Variants in VRK3 observed in about 807,000 individuals in gnomAD.
The protein encoded by VRK3 is VRK serine/threonine kinase 3.
Under a neutral mutation model 60.4 loss-of-function variants are expected in VRK3, and 50 were observed. That is an observed-to-expected ratio of 0.83 (90% CI 0.66 to 1.05). The LOEUF is 1.05. VRK3 is among the 50% of genes least tolerant of loss of function. The pLI is 0.00. For missense variants in VRK3, 549 were observed against 585.3 expected, an observed-to-expected ratio of 0.94 and a Z score of 0.64; for synonymous variants, 246 against 227.8, an observed-to-expected ratio of 1.08 and a Z score of -0.72.
chr19:50,017,293 G>A (rs2077094090), intron 2 of VRK3, among the ~76,000 whole-genome samples: 1 of 149,978 alleles, frequency 6.7e-6, no homozygotes, highest in Non-Finnish European at 1.5e-5. Context: ...TGAAACTATT[G>A]GCCGGGCACG....
chr19:49,978,417 C>T (rs1273928614), intron 14 of VRK3, among the ~76,000 whole-genome samples: 2 of 152,230 alleles, frequency 1.3e-5, no homozygotes, highest in African/African-American at 2.4e-5. Context: ...AATTCCTGCA[C>T]GTTTACACAA....
At chr19:50,015,257 C>CT (rs139325942) in intron 3 of VRK3, among the ~76,000 whole-genome samples, 8 of 152,206 alleles carry the variant, frequency 5.3e-5, no homozygotes, top group African/African-American at 1.7e-4. Context: ...AAATCTGAAA[C>CT]TTTGAGTGTC....
rs768424867 is a variant in VRK3, at chr19:50,025,353, G to C, written c.-151C>G. 2.0e-5 allele frequency: 3 copies of C among 152,238 alleles called. No individual in the cohort carries two copies. The highest frequency in any genetic ancestry group is 4.4e-5 in the Non-Finnish European group (3 of 68,094). 9.4% of individuals were successfully genotyped at this position (152,238 alleles called of 1,614,324 possible). A position where few individuals can be genotyped will look rare whatever the true frequency, so the allele number is the denominator to read the frequency against. ...GCAGTTACCCGGACTCACCTTCTCA[G>C]TTGCCCAGCGAAAACTTCCGCTGGG... On this transcript the variant is annotated 5_prime_UTR_variant, in exon 1 of 15. Coordinates refer to ENST00000316763, the MANE Select transcript of VRK3 (RefSeq NM_016440.4).
At chr19:49,987,591 G>T (rs1386977757) in intron 12 of VRK3, 3 of 152,392 alleles carry the variant, frequency 2.0e-5, no homozygotes, top group African/African-American at 7.2e-5. Context: ...TGGCAGTGTG[G>T]ACACTGCATA....
intron 3 of VRK3, among the ~76,000 whole-genome samples, chr19:50,012,973 C>A (rs556240215): frequency 6.6e-6 from 1 of 152,156 alleles, no homozygotes; most frequent in Admixed American, 6.6e-5. Flanking sequence ...CGAGACCATC[C>A]TGGCTAACAC....
At chr19:50,016,316 G>A (rs1048029349) in intron 2 of VRK3, among the ~76,000 whole-genome samples, 153 bp from the exon 3 acceptor site, 60 of 152,300 alleles carry the variant, frequency 3.9e-4, no homozygotes, top group African/African-American at 1.4e-3. Context: ...AACATGCAAT[G>A]GGAATGGGAG....
intron 2 of VRK3, among the ~76,000 whole-genome samples, chr19:50,016,483 T>A (rs1245654301): frequency 2.6e-5 from 4 of 152,054 alleles, no homozygotes; most frequent in Non-Finnish European, 5.9e-5. Flanking sequence ...CTCCTCTGCC[T>A]CCCCCTCCAC....
chr19:49,985,041 C>G (rs1270104817), intron 12 of VRK3, among the ~76,000 whole-genome samples: 1 of 152,194 alleles, frequency 6.6e-6, no homozygotes, highest in Non-Finnish European at 1.5e-5. Flanking sequence ...TGCCTTGGGA[C>G]TGTTAGTGAG....
rs551339515 is a variant in VRK3, at chr19:50,006,331, T to A, written c.547+1238A>T. On this transcript the variant is annotated intron_variant, in intron 5 of 14. Coordinates refer to ENST00000316763, the MANE Select transcript of VRK3 (RefSeq NM_016440.4). ...TCTCAAAAAAATAAAAAATAATAAATAATAATAATAAAAGAATAACTTTTT... is the reference window on the plus strand; with the variant it reads ...TCTCAAAAAAATAAAAAATAATAAAAAATAATAATAAAAGAATAACTTTTT... Among the ~76,000 whole-genome samples, 277 of 150,926 alleles carry A rather than the reference T, an allele frequency of 1.8e-3. 2 individuals carry two copies. The highest frequency in any genetic ancestry group is 6.5e-3 in the African/African-American group (268 of 41,104).
At chr19:50,000,441 G>A (rs939905603) in intron 6 of VRK3, 1 of 342,584 alleles carries the variant, frequency 2.9e-6, no homozygotes, top group African/African-American at 2.2e-5. Context: ...TGCTCGATAC[G>A]AGCACGCTGC....
Position 50,019,572 on chromosome 19 carries a change from T to G in VRK3, c.-2+1013A>C, listed in dbSNP as rs775470859. Among the ~76,000 whole-genome samples, 7 of 150,272 alleles carry G rather than the reference T, an allele frequency of 4.7e-5. No homozygotes were observed. The East Asian group carries it at 1.4e-3, about 30-fold the overall frequency. On this transcript the variant is annotated intron_variant, in intron 2 of 14. Transcript: ENST00000316763. ...TCACTCAGGCTGGAGTGCAATGGCA[T>G]GATCATGGCTCACTGCGGCCTCGAG...
chr19:50,000,696 A>G (rs2076788837), intron 6 of VRK3, 94 bp downstream of exon 6: 1 of 1,449,172 alleles, frequency 6.9e-7, no homozygotes, highest in Non-Finnish European at 9.5e-7. Context: ...CCCCCGGCCG[A>G]GCTCTCCCAG....
intron 13 of VRK3, 123 bp downstream of exon 13, chr19:49,980,832 T>C (rs2076409813): frequency 2.4e-6 from 2 of 837,310 alleles, no homozygotes; most frequent in Non-Finnish European, 3.7e-6. Context: ...GGGTACGTAT[T>C]ACAAATGCAA....
At chr19:49,990,795 T>A (rs2076597633) in intron 10 of VRK3, among the ~76,000 whole-genome samples, 2 of 150,660 alleles carry the variant, frequency 1.3e-5, no homozygotes, top group African/African-American at 2.5e-5. Context: ...TTTTTTTTTT[T>A]AAGTTTTGAG....
At chr19:50,005,261 C>T (rs986860944) in intron 5 of VRK3, among the ~76,000 whole-genome samples, 7 of 149,172 alleles carry the variant, frequency 4.7e-5, no homozygotes, top group African/African-American at 1.0e-4. Context: ...GACTCAGATT[C>T]GGGGCTGTCT....
At chr19:49,991,459 A>C (rs555546493) in intron 10 of VRK3, among the ~76,000 whole-genome samples, 169 of 152,166 alleles carry the variant, frequency 1.1e-3, no homozygotes, top group African/African-American at 3.9e-3. Context: ...TGCAAACTGA[A>C]GAATCTCAGG....
At position 49,976,767 on chromosome 19, in the gene VRK3, C is replaced by T. The variant is rs917990472; in HGVS notation, c.*29G>A. ...ACTTCATTTTTTTTTTTCTGTTGCA[C>T]ACTGCAAATGGAAAGTTCTGGAAGA... is the stretch of plus-strand genomic sequence containing the variant. On this transcript the variant is annotated 3_prime_UTR_variant, in exon 15 of 15. Coordinates refer to ENST00000316763, the MANE Select transcript of VRK3 (RefSeq NM_016440.4). The T allele has an allele frequency of 3.9e-5, 6 of 151,972 alleles. No individual in the cohort carries two copies. Among genetic ancestry groups the T allele is most frequent in the African/African-American group, 1.2e-4 (5 of 41,282 alleles). 9.4% of individuals were successfully genotyped at this position (151,972 alleles called of 1,614,324 possible). A position where few individuals can be genotyped will look rare whatever the true frequency, so the allele number is the denominator to read the frequency against.
chr19:49,982,166 A>G lies in VRK3; in HGVS notation c.1218-1153T>C, dbSNP rs144386546. 3.3e-4 allele frequency: 230 copies of G among 703,034 alleles called. 1 individual carries two copies. The African/African-American group carries it at 3.7e-3, about 11-fold the overall frequency. 43.5% of individuals were successfully genotyped at this position (703,034 alleles called of 1,614,324 possible). A position where few individuals can be genotyped will look rare whatever the true frequency, so the allele number is the denominator to read the frequency against. ...TCTGGCATGACAAAGTCCAGCTTAC[A>G]TTAAAATGAATCCCAAGGCAACCTG... On this transcript the variant is annotated intron_variant, in intron 12 of 14. Coordinates refer to ENST00000316763, the MANE Select transcript of VRK3 (RefSeq NM_016440.4).
intron 6 of VRK3, chr19:49,999,238 TCCCTG>T (rs984878665): frequency 3.9e-5 from 6 of 152,326 alleles, no homozygotes; most frequent in African/African-American, 1.4e-4. Context: ...TGAGCCTGGC[TCCCTG>T]CCCCATCTTC....
Sources: allele counts gnomAD v4.1 joint callset (sites outside exome capture counted in the v4.1 genomes callset), GRCh38; gene constraint gnomAD v4.1.1; transcripts MANE v1.5; gene names NCBI Gene and HGNC (gene_info 2026-07-23, HGNC 2026-07-21).